KCNH3: variants seen among roughly 807,000 people sequenced by gnomAD.
The protein encoded by KCNH3 is voltage-gated inwardly rectifying potassium channel KCNH3.
In KCNH3, 36 loss-of-function variants were observed where a neutral mutation model predicts 95.6. The observed-to-expected ratio is 0.38, with a 90% CI of 0.29 to 0.50. The LOEUF (loss-of-function observed/expected upper bound fraction) is 0.50, where lower values mean the gene tolerates loss of function less well. KCNH3 is among the 20% of genes least tolerant of loss of function. The pLI is 0.95. For missense variants in KCNH3, 1,030 were observed against 1,484.1 expected (o/e 0.69, Z 5.03); for synonymous variants, 620 against 646.3 (o/e 0.96, Z 0.62).
intron 1 of KCNH3, among the ~76,000 whole-genome samples, chr12:49,540,217 G>A (rs1937825886): frequency 6.6e-6 from 1 of 152,134 alleles, no homozygotes; most frequent in African/African-American, 2.4e-5. Context: ...GATAGGGGGT[G>A]GGAGCCCAGC....
chr12:49,556,408 A>G lies in KCNH3; in HGVS notation c.2507A>G (p.Gln836Arg). The G allele has an allele frequency of 1.2e-6, 2 of 1,614,076 alleles. No individual in the cohort carries two copies. The highest frequency in any genetic ancestry group is 1.7e-6 in the Non-Finnish European group (2 of 1,179,962). The change falls in exon 13 of 15, where the codon CAG becomes CGG. Residue 836 changes from glutamine (Q) to arginine (R), a missense_variant. Around this residue, in one of 9 missense-constraint regions of KCNH3, gnomAD observed 464 missense variants for 493.2 expected, o/e 0.94. Coordinates refer to ENST00000257981, the MANE Select transcript of KCNH3 (RefSeq NM_012284.3). ...DGIEDGCGSD[Q>R]PKFSFRVGQS... ...ATTGAAGACGGCTGTGGCTCGGACC[A>G]GCCCAAGTTCTCTTTCCGCGTGGGC...
At chr12:49,553,483 T>C (rs1207834141) in intron 10 of KCNH3, among the ~76,000 whole-genome samples, 1 of 152,086 alleles carries the variant, frequency 6.6e-6, no homozygotes, top group Non-Finnish European at 1.5e-5. Context: ...AAGAAAATGA[T>C]TTCTTTTTGG....
intron 6 of KCNH3, 30 bp from the exon 7 acceptor site, chr12:49,544,145 T>TGCC: frequency 7.3e-6 from 6 of 818,200 alleles, no homozygotes; most frequent in Non-Finnish European, 1.2e-5. Context: ...CTGACCTCCC[T>TGCC]CCCTCCCTCC....
At position 49,549,146 on chromosome 12, in the gene KCNH3, T is replaced by A. The variant is rs757864100; in HGVS notation, c.1441T>A (p.Phe481Ile). ...CGCCAACACGGACACCGAGAAGATCTTCTCCATCTGCACCATGCTCATCGG... is the reference window on the plus strand; with the variant it reads ...CGCCAACACGGACACCGAGAAGATCATCTCCATCTGCACCATGCTCATCGG... ...VSANTDTEKI[F>I]SICTMLIGAL... The change falls in exon 8 of 15, where the codon TTC becomes ATC. Residue 481 changes from phenylalanine (F) to isoleucine (I), a missense_variant. Physicochemically the swap from Phe to Ile is conservative, Grantham distance 21. Coordinates refer to ENST00000257981, the MANE Select transcript of KCNH3 (RefSeq NM_012284.3). The A allele has an allele frequency of 1.2e-6, 2 of 1,610,136 alleles. No individual in the cohort carries two copies. Among genetic ancestry groups the A allele is most frequent in the Non-Finnish European group, 1.7e-6 (2 of 1,178,554 alleles).
At chr12:49,555,014 C>T (rs1240530369) in intron 11 of KCNH3, among the ~76,000 whole-genome samples, 3 of 152,068 alleles carry the variant, frequency 2.0e-5, no homozygotes, top group Admixed American at 6.5e-5. Context: ...TTTTTAGCGC[C>T]GCATTCTCTT....
rs1461920805 is a variant in KCNH3 at position 49,550,069 on chromosome 12, C to T, written c.1669-11C>T. 3.1e-6 allele frequency: 4 copies of T among 1,289,846 alleles called. No individual in the cohort carries two copies. Among genetic ancestry groups the T allele is most frequent in the African/African-American group, 2.9e-5 (2 of 68,734 alleles). The allele number at this position is 1,289,846 out of a possible 1,614,324, so 79.9% of individuals were successfully genotyped here. A position where few individuals can be genotyped will look rare whatever the true frequency, so the allele number is the denominator to read the frequency against. ...CCCAACCCCCCCACCCCCGCACCTG[C>T]TCACCTGCAGCTGCTGCAGAGCCTC... On this transcript the variant is annotated splice_polypyrimidine_tract_variant and intron_variant, in intron 9 of 14. Coordinates refer to ENST00000257981, the MANE Select transcript of KCNH3 (RefSeq NM_012284.3).
intron 3 of KCNH3, 48 bp downstream of exon 3, chr12:49,541,812 C>CG: frequency 6.2e-7 from 1 of 1,600,822 alleles, no homozygotes; most frequent in South Asian, 1.1e-5. Flanking sequence ...GCCGCAGGCC[C>CG]GGGCGGGGCC....
rs772936251 is a variant in KCNH3 at position 49,548,884 on chromosome 12, T to C, written c.1190-11T>C. 1 of 1,554,772 alleles carries C rather than the reference T, an allele frequency of 6.4e-7. No individual in the cohort carries two copies. Among genetic ancestry groups the C allele is most frequent in the Non-Finnish European group, 8.7e-7 (1 of 1,150,724 alleles). On this transcript the variant is annotated splice_polypyrimidine_tract_variant and intron_variant, in intron 7 of 14. Transcript: ENST00000257981. Reference sequence around the variant, plus strand: ...TTCCTGCCTGCTCAGGCCCTGCTGTTCCCCCCTCAGGCTGGCTGCAGGAGC... The same window carrying C: ...TTCCTGCCTGCTCAGGCCCTGCTGTCCCCCCCTCAGGCTGGCTGCAGGAGC...
chr12:49,557,314 G>A, intron 14 of KCNH3, 40 bp from the exon 15 acceptor site: 1 of 1,613,496 alleles, frequency 6.2e-7, no homozygotes, highest in Non-Finnish European at 8.5e-7. Context: ...GCACTCCATG[G>A]CTGACTCCAT....
chr12:49,551,989 G>A (rs1273233245), intron 10 of KCNH3, among the ~76,000 whole-genome samples: 2 of 152,252 alleles, frequency 1.3e-5, no homozygotes, highest in African/African-American at 2.4e-5. Flanking sequence ...CAAGAGTGGG[G>A]ACAGGCTGTT....
intron 10 of KCNH3, among the ~76,000 whole-genome samples, chr12:49,553,113 C>T (rs745638908): frequency 4.6e-5 from 7 of 151,556 alleles, no homozygotes; most frequent in African/African-American, 9.8e-5. Context: ...TGCCCAAGCC[C>T]GGACTGCGTG....
At chr12:49,548,862 C>T (rs768116188) in intron 7 of KCNH3, 33 bp from the exon 8 acceptor site, 3 of 1,523,106 alleles carry the variant, frequency 2.0e-6, no homozygotes, top group African/African-American at 1.4e-5. Flanking sequence ...CACAGTCTTC[C>T]TGCCTGCTCA....
intron 6 of KCNH3, 21 bp from the exon 7 acceptor site, chr12:49,544,149 TCCCTC>T: frequency 1.9e-6 from 1 of 516,950 alleles, no homozygotes. Context: ...CCTCCCTCCC[TCCCTC>T]CCTCCCTCCC....
Position 49,541,744 on chromosome 12 carries a change from C to A in KCNH3, c.425C>A (p.Pro142His), listed in dbSNP as rs1179799378. The A allele has an allele frequency of 3.1e-6, 5 of 1,614,122 alleles. No individual in the cohort carries two copies. The highest frequency in any genetic ancestry group is 4.2e-6 in the Non-Finnish European group (5 of 1,180,024). The stretch of plus-strand genomic sequence containing the variant: ...AGCGAAACCAAGAACCGAGGGGGCC[C>A]CGACAGATGGAAGGAGACAGGTAGG... ...DISETKNRGGPDRWKETGGGR... is the reference protein window; with the variant it reads ...DISETKNRGGHDRWKETGGGR... Residue 142 changes from proline (P) to histidine (H), a missense_variant, in exon 3 of 15, where the codon CCC becomes CAC. Coordinates refer to ENST00000257981, the MANE Select transcript of KCNH3 (RefSeq NM_012284.3).
Position 49,550,067 on chromosome 12 carries a change from T to G in KCNH3, c.1669-13T>G. On this transcript the variant is annotated splice_polypyrimidine_tract_variant and intron_variant, in intron 9 of 14. Coordinates refer to ENST00000257981, the MANE Select transcript of KCNH3 (RefSeq NM_012284.3). Reference sequence around the variant, plus strand: ...CTCCCAACCCCCCCACCCCCGCACCTGCTCACCTGCAGCTGCTGCAGAGCC... The same window carrying G: ...CTCCCAACCCCCCCACCCCCGCACCGGCTCACCTGCAGCTGCTGCAGAGCC... 1.8e-6 allele frequency: 1 copy of G among 557,018 alleles called. No homozygotes were observed. Among genetic ancestry groups the G allele is most frequent in the Non-Finnish European group, 3.1e-6 (1 of 323,890 alleles). The allele number at this position is 557,018 out of a possible 1,614,324, so 34.5% of individuals were successfully genotyped here.
chr12:49,555,737 C>A lies in KCNH3; in HGVS notation c.2254C>A (p.Pro752Thr). 1.2e-6 allele frequency: 2 copies of A among 1,613,270 alleles called. No homozygotes were observed. Among genetic ancestry groups the A allele is most frequent in the Non-Finnish European group, 8.5e-7 (1 of 1,179,742 alleles). ...AGCCCCAGCTGATGAGCCCTCCAGCCCCCTGCTGTCCCCTGGCTGCACCTC... is the reference window on the plus strand; with the variant it reads ...AGCCCCAGCTGATGAGCCCTCCAGCACCCTGCTGTCCCCTGGCTGCACCTC... ...SPAPADEPSS[P>T]LLSPGCTSSS... The change falls in exon 12 of 15, where the codon CCC (proline) becomes ACC (threonine). Residue 752 changes from proline to threonine, a missense_variant. By Grantham distance (38) the Pro-to-Thr change is conservative. Around this residue, in one of 9 missense-constraint regions of KCNH3, gnomAD observed 464 missense variants for 493.2 expected, o/e 0.94. Transcript: ENST00000257981.
intron 8 of KCNH3, 107 bp downstream of exon 8, chr12:49,549,280 A>C: frequency 6.1e-6 from 9 of 1,469,936 alleles, no homozygotes; most frequent in Non-Finnish European, 8.2e-6. Context: ...CTTCCGCTTT[A>C]GGTGGCCGCG....
chr12:49,540,826 A>G (rs1420877586), intron 1 of KCNH3, 73 bp from the exon 2 acceptor site: 5 of 1,257,828 alleles, frequency 4.0e-6, no homozygotes, highest in African/African-American at 1.5e-5. Context: ...GGTTGCAGGC[A>G]TTTGAGAAAG....
rs1592495097 is a variant in KCNH3, at chr12:49,539,296, C to G, written c.-121C>G. 2.2e-6 allele frequency: 1 copy of G among 445,214 alleles called. No individual in the cohort carries two copies. The highest frequency in any genetic ancestry group is 4.6e-5 in the East Asian group (1 of 21,976). The allele number at this position is 445,214 out of a possible 1,614,324, so 27.6% of individuals were successfully genotyped here. ...CCCCGGATCCCGGTCTGCGCATTGC[C>G]CCCCGACGGCTGCGCTAGGGAGCGC... On this transcript the variant is annotated 5_prime_UTR_variant, in exon 1 of 15. Coordinates refer to ENST00000257981, the MANE Select transcript of KCNH3 (RefSeq NM_012284.3). The surrounding 1 kb of genome is among the most constrained non-coding windows in gnomAD (Gnocchi z 6.7).
Sources: allele counts gnomAD v4.1 joint callset (sites outside exome capture counted in the v4.1 genomes callset), GRCh38; gene constraint gnomAD v4.1.1; regional missense constraint gnomAD v4.1.1; non-coding constraint Gnocchi (gnomAD v3.1); transcripts MANE v1.5; gene names NCBI Gene and HGNC (gene_info 2026-07-23, HGNC 2026-07-21).